The following MTUS2 variants were observed in gnomAD, a reference collection of about 807,000 sequenced individuals.
MTUS2 encodes the protein microtubule-associated tumor suppressor candidate 2.
MTUS2 carries 40 observed loss-of-function variants against 114.1 expected under a neutral mutation model. The ratio of observed to expected loss-of-function variants is 0.35; its 90% CI spans 0.27 to 0.46. The LOEUF (loss-of-function observed/expected upper bound fraction) is 0.46. MTUS2 is among the 20% of genes least tolerant of loss of function. The probability of loss-of-function intolerance (pLI) is 1.00; values close to 1 mark genes in which losing one functional copy is unlikely to be tolerated. For missense variants in MTUS2, 1,679 were observed against 1,705.4 expected (o/e 0.98, Z 0.27); for synonymous variants, 688 against 672.0 (o/e 1.02, Z -0.37).
At chr13:29,501,257 T>G (rs1593524831) in intron 15 of MTUS2, 63 bp downstream of exon 15, 1 of 1,266,908 alleles carries the variant, frequency 7.9e-7, no homozygotes, top group Non-Finnish European at 1.2e-6. Flanking sequence ...TGTTGCAACA[T>G]CCAGTTTCCC....
At chr13:29,416,864 A>G (rs1014925898) in intron 8 of MTUS2, among the ~76,000 whole-genome samples, 1 of 151,898 alleles carries the variant, frequency 6.6e-6, no homozygotes, top group African/African-American at 2.4e-5. Context: ...TCAGTCTCTG[A>G]ATTCTAACAG....
At chr13:28,888,584 G>A (rs1333462729) in intron 2 of MTUS2, among the ~76,000 whole-genome samples, 1 of 152,128 alleles carries the variant, frequency 6.6e-6, no homozygotes, top group Non-Finnish European at 1.5e-5. Flanking sequence ...ACCACACCCA[G>A]CTAATTTTTG....
At chr13:29,017,749 G>A (rs1253770039) in intron 2 of MTUS2, among the ~76,000 whole-genome samples, 1 of 151,180 alleles carries the variant, frequency 6.6e-6, no homozygotes, top group East Asian at 1.9e-4. Flanking sequence ...ACCTTTTTGA[G>A]CTGAGGTTAG....
At chr13:29,030,210 G>T (rs1248373157) in intron 3 of MTUS2, among the ~76,000 whole-genome samples, 1 of 152,086 alleles carries the variant, frequency 6.6e-6, no homozygotes, top group African/African-American at 2.4e-5. Context: ...TAGGCACCAC[G>T]TCAAGACTCA....
chr13:29,478,214 C>T (rs1347367413), intron 9 of MTUS2, among the ~76,000 whole-genome samples: 1 of 152,212 alleles, frequency 6.6e-6, no homozygotes, highest in African/African-American at 2.4e-5. Flanking sequence ...GATTCCTTTT[C>T]TAGAAAGGAC....
chr13:29,028,394 AG>A, intron 3 of MTUS2, among the ~76,000 whole-genome samples: 1 of 152,018 alleles, frequency 6.6e-6, no homozygotes, highest in Non-Finnish European at 1.5e-5. Flanking sequence ...AACACCTTCC[AG>A]GGCTGCCCAG....
chr13:29,000,534 T>A (rs1035309265), intron 2 of MTUS2, among the ~76,000 whole-genome samples: 2 of 152,064 alleles, frequency 1.3e-5, no homozygotes, highest in Non-Finnish European at 2.9e-5. Flanking sequence ...GGGTAATTTT[T>A]TTTGTAGTTT....
At chr13:29,342,299 C>T (rs1593325362) in intron 7 of MTUS2, among the ~76,000 whole-genome samples, 1 of 152,118 alleles carries the variant, frequency 6.6e-6, no homozygotes, top group East Asian at 1.9e-4. Flanking sequence ...CATGGGTTTC[C>T]ATTTGTTTGT....
intron 8 of MTUS2, among the ~76,000 whole-genome samples, chr13:29,369,022 A>T (rs964369883): frequency 6.6e-6 from 1 of 152,162 alleles, no homozygotes. Flanking sequence ...TCAGAAGCCA[A>T]ACGGAGGGGG....
chr13:29,003,704 C>T (rs1212204197), intron 2 of MTUS2, among the ~76,000 whole-genome samples: 2 of 152,124 alleles, frequency 1.3e-5, no homozygotes, highest in Non-Finnish European at 2.9e-5. Context: ...GAGAAGTCTT[C>T]TCAGGTCACT....
At chr13:29,163,860 A>G (rs978645976) in intron 5 of MTUS2, among the ~76,000 whole-genome samples, 4 of 152,222 alleles carry the variant, frequency 2.6e-5, no homozygotes, top group Admixed American at 2.0e-4. Flanking sequence ...CTTTCAAACT[A>G]ACCTCCATGA....
At chr13:29,172,578 T>C (rs1893607379) in intron 5 of MTUS2, among the ~76,000 whole-genome samples, 1 of 152,218 alleles carries the variant, frequency 6.6e-6, no homozygotes, top group Admixed American at 6.5e-5. Flanking sequence ...TGACTCTGGC[T>C]GAAATTAGCA....
intron 5 of MTUS2, among the ~76,000 whole-genome samples, chr13:29,156,708 A>G (rs1380226453): frequency 6.6e-6 from 1 of 152,190 alleles, no homozygotes; most frequent in African/African-American, 2.4e-5. Flanking sequence ...GACTTTTGGA[A>G]TGGGAAGAGT....
At chr13:29,500,065 C>G (rs1052344523) in intron 14 of MTUS2, among the ~76,000 whole-genome samples, 25 of 152,182 alleles carry the variant, frequency 1.6e-4, no homozygotes, top group Middle Eastern at 3.4e-3. Context: ...CCCATCTTCC[C>G]CCTCCTGGCT....
intron 9 of MTUS2, among the ~76,000 whole-genome samples, chr13:29,449,337 A>G (rs1878520878): frequency 6.6e-6 from 1 of 152,218 alleles, no homozygotes; most frequent in Non-Finnish European, 1.5e-5. Context: ...CTAGTAGCCC[A>G]CACATACACA....
At chr13:29,220,435 G>A (rs1307022702) in intron 5 of MTUS2, among the ~76,000 whole-genome samples, 2 of 152,200 alleles carry the variant, frequency 1.3e-5, no homozygotes, top group African/African-American at 2.4e-5. Context: ...ATCATTTCTA[G>A]CTTTGGAGTT....
intron 6 of MTUS2, among the ~76,000 whole-genome samples, chr13:29,316,377 G>A (rs532288144): frequency 1.2e-4 from 18 of 152,286 alleles, no homozygotes; most frequent in African/African-American, 3.9e-4. Context: ...AAGCATCAGA[G>A]GTAGAAAGGT....
rs114734729 is a variant in MTUS2 at position 29,408,908 on chromosome 13, A to G, written c.3118-31075A>G. 3.2e-3 allele frequency among the ~76,000 whole-genome samples: 493 copies of G among 152,312 alleles called. 2 individuals carry two copies. Among genetic ancestry groups the G allele is most frequent in the African/African-American group, 0.011 (467 of 41,568 alleles). Reference sequence around the variant, plus strand: ...GTCCAATTTGCTTATTTTTAACGCAATTCCTCAGCAGTGAGAAACTCTTCT... The same window carrying G: ...GTCCAATTTGCTTATTTTTAACGCAGTTCCTCAGCAGTGAGAAACTCTTCT... On this transcript the variant is annotated intron_variant, in intron 8 of 15. Coordinates refer to ENST00000612955, the MANE Select transcript of MTUS2 (RefSeq NM_001033602.4).
At chr13:29,434,055 T>C (rs929659148) in intron 8 of MTUS2, among the ~76,000 whole-genome samples, 2 of 152,142 alleles carry the variant, frequency 1.3e-5, no homozygotes, top group Non-Finnish European at 2.9e-5. Flanking sequence ...GCTAAAAATA[T>C]AGGAAAGATT....
Sources: gnomAD v4.1 joint callset for allele counts (sites outside exome capture counted in the v4.1 genomes callset) on GRCh38, gnomAD v4.1.1 for gene constraint, MANE v1.5 for transcripts, NCBI Gene and HGNC (gene_info 2026-07-23, HGNC 2026-07-21) for gene names.